Variants in TULP1 observed in about 807,000 individuals in gnomAD.
The protein encoded by TULP1 is tubby-related protein 1.
In TULP1, 50 loss-of-function variants were observed where a neutral mutation model predicts 67.1. The observed-to-expected ratio is 0.75, with a 90% CI of 0.59 to 0.94. The LOEUF (loss-of-function observed/expected upper bound fraction) is 0.94. Ranked by LOEUF, TULP1 falls within the 40% of genes least tolerant of loss-of-function variation. TULP1 has a pLI of 0.00. For synonymous variants in TULP1, 297 were observed against 294.0 expected (o/e 1.01, Z -0.11); for missense variants, 746 against 734.1 (o/e 1.02, Z -0.19).
chr6:35,507,259 A>G (rs1470371742), intron 8 of TULP1, among the ~76,000 whole-genome samples: 1 of 151,450 alleles, frequency 6.6e-6, no homozygotes, highest in African/African-American at 2.4e-5. Flanking sequence ...TCCCTGTAGG[A>G]AGGAACTGAG....
intron 5 of TULP1, 162 bp downstream of exon 5, chr6:35,510,699 A>G: frequency 1.3e-6 from 2 of 1,525,906 alleles, no homozygotes; most frequent in Non-Finnish European, 1.8e-6. Context: ...CTATGTCCTT[A>G]AGGACCATCG....
chr6:35,505,946 G>A (rs2150925341), intron 10 of TULP1, 57 bp downstream of exon 10: 2 of 1,614,090 alleles, frequency 1.2e-6, no homozygotes, highest in Admixed American at 3.3e-5. Flanking sequence ...CGTTTGTCCC[G>A]TGGCCCCCAT....
chr6:35,502,649 C>T (rs1760989324), intron 13 of TULP1, among the ~76,000 whole-genome samples: 1 of 151,590 alleles, frequency 6.6e-6, no homozygotes, highest in Admixed American at 6.6e-5. Context: ...CAGTTGCCCA[C>T]TGCCACGCCC....
At position 35,503,558 on chromosome 6, in the gene TULP1, C is replaced by G; in HGVS notation, c.1323+1G>C. ...AGGGGCCAGGGAGGTGCGGGGCTCA[C>G]ATTTCGGGGCCGGATGGGGACCCTC... On this transcript the variant is annotated splice_donor_variant, in intron 13 of 14. Coordinates refer to ENST00000229771, the MANE Select transcript of TULP1 (RefSeq NM_003322.6). LOFTEE classifies it high-confidence loss of function. The surrounding 1 kb of genome is among the most constrained non-coding windows in gnomAD (Gnocchi z 4.0). The G allele has an allele frequency of 6.4e-7, 1 of 1,565,972 alleles. No individual in the cohort carries two copies. The highest frequency in any genetic ancestry group is 8.7e-7 in the Non-Finnish European group (1 of 1,155,218).
At chr6:35,506,589 C>A (rs1404501579) in intron 8 of TULP1, among the ~76,000 whole-genome samples, 1 of 152,208 alleles carries the variant, frequency 6.6e-6, no homozygotes, top group African/African-American at 2.4e-5. Context: ...CAGACCTTAC[C>A]TATGTATTTA....
rs776991257 is a variant in TULP1 at position 35,498,426 on chromosome 6, C to A, written c.1530G>T (p.Ala510=). The change falls in exon 15 of 15, where the codon GCG becomes GCT. Residue 510 remains alanine (A), a synonymous_variant. Transcript: ENST00000229771. The surrounding 1 kb of genome is among the most constrained non-coding windows in gnomAD (Gnocchi z 6.7). ...DYIVLQFGRV[A]EDAFTLDYRY... is the part of the protein sequence containing the mutation. ...GGTAGTCTAGGGTGAAGGCGTCCTCCGCCACGCGGCCGAACTGCAGCACGA... is the reference window on the plus strand; with the variant it reads ...GGTAGTCTAGGGTGAAGGCGTCCTCAGCCACGCGGCCGAACTGCAGCACGA... 6.2e-7 allele frequency: 1 copy of A among 1,613,854 alleles called. No homozygotes were observed. The highest frequency in any genetic ancestry group is 1.3e-5 in the African/African-American group (1 of 74,934).
At chr6:35,501,273 G>T (rs79722771) in intron 13 of TULP1, among the ~76,000 whole-genome samples, 5,116 of 152,142 alleles carry the variant, frequency 0.034, 118 homozygotes, top group African/African-American at 0.064. Flanking sequence ...TTGAGAAGCC[G>T]AGACGAGAGG....
chr6:35,512,568 C>T, intron 2 of TULP1, 71 bp downstream of exon 2: 1 of 1,603,300 alleles, frequency 6.2e-7, no homozygotes, highest in South Asian at 1.1e-5. Context: ...CACCCCTAGA[C>T]CCCCTACCCT....
In TULP1 at chr6:35,503,841, G is replaced by A; in HGVS notation, c.1120C>T (p.Leu374Phe). 6.2e-7 allele frequency: 1 copy of A among 1,607,908 alleles called. No homozygotes were observed. The highest frequency in any genetic ancestry group is 1.7e-4 in the Middle Eastern group (1 of 6,058). Residue 374 changes from leucine (L) to phenylalanine (F), a missense_variant, in exon 12 of 15, where the codon CTC becomes TTC. Leu to Phe is a conservative substitution (Grantham distance 22). Coordinates refer to ENST00000229771, the MANE Select transcript of TULP1 (RefSeq NM_003322.6). This position sits in a 1 kb window ranked among gnomAD's most constrained non-coding sequence, Gnocchi z 4.0. The stretch of plus-strand genomic sequence containing the variant: ...AAGACCGTGAAGCGGTTCCCCAGGA[G>A]GTTGGACCTGCAAGCAGGGTAGAGC... ...ENFIGKLRSN[L>F]LGNRFTVFDN...
intron 11 of TULP1, 51 bp downstream of exon 11, chr6:35,505,690 A>G: frequency 1.2e-6 from 2 of 1,607,308 alleles, no homozygotes; most frequent in African/African-American, 1.3e-5. Flanking sequence ...ATGACGGGCT[A>G]TGGCCTTTTG....
rs148218948 is a variant in TULP1, at chr6:35,509,733, T to C, written c.619A>G (p.Lys207Glu). 1.6e-4 allele frequency: 265 copies of C among 1,613,950 alleles called. No homozygotes were observed. The highest frequency in any genetic ancestry group is 2.2e-4 in the Non-Finnish European group (256 of 1,180,018). The change falls in exon 7 of 15, where the codon AAG becomes GAG. Residue 207 changes from lysine (K) to glutamate (E), a missense_variant. Transcript: ENST00000229771. ...TKKKGSGEAD[K>E]DPSGSPASAR... ...CTGGCTGGGCTCCCTGAGGGGTCCT[T>C]GTCGGCCTCCCCAGACCCTGCATGT...
chr6:35,505,580 C>T (rs767059746), intron 11 of TULP1, 161 bp downstream of exon 11: 1 of 1,528,562 alleles, frequency 6.5e-7, no homozygotes, highest in Admixed American at 2.0e-5. Flanking sequence ...AACAAGCTCC[C>T]CACATGATCT....
At chr6:35,509,391 G>T in intron 7 of TULP1, 79 bp from the exon 8 acceptor site, 2 of 1,365,688 alleles carry the variant, frequency 1.5e-6, no homozygotes, top group Non-Finnish European at 2.1e-6. Flanking sequence ...TGTCTCACTT[G>T]GATGCTCCCC....
At chr6:35,509,561 G>C (rs1055181297) in intron 7 of TULP1, 73 bp downstream of exon 7, 1 of 1,469,592 alleles carries the variant, frequency 6.8e-7, no homozygotes, top group African/African-American at 1.4e-5. Flanking sequence ...CTTGTATGCT[G>C]TAAGGACCCT....
chr6:35,511,876 C>T, intron 3 of TULP1, 70 bp from the exon 4 acceptor site: 1 of 1,449,148 alleles, frequency 6.9e-7, no homozygotes, highest in Non-Finnish European at 9.1e-7. Context: ...CTACCCGCTA[C>T]CCCCAAGCCT....
intron 2 of TULP1, 106 bp from the exon 3 acceptor site, chr6:35,512,376 C>CG (rs1761228775): frequency 4.3e-6 from 3 of 696,502 alleles, no homozygotes; most frequent in South Asian, 2.0e-5. Flanking sequence ...GCAGATTATC[C>CG]GGGGGGAACT....
Position 35,512,217 on chromosome 6 carries a change from G to A in TULP1, c.153C>T (p.Ser51=), listed in dbSNP as rs779752064. 5.8e-6 allele frequency: 8 copies of A among 1,371,708 alleles called. No individual in the cohort carries two copies. The highest frequency in any genetic ancestry group is 9.4e-7 in the Non-Finnish European group (1 of 1,062,220). The allele number at this position is 1,371,708 out of a possible 1,614,324, so 85.0% of individuals were successfully genotyped here. The change falls in exon 3 of 15, where the codon TCC becomes TCT. Residue 51 remains serine (S), a synonymous_variant. Transcript: ENST00000229771. The part of the protein sequence containing the change: ...LRKKRTEAPE[S]PCPTGSKPRK... ...GGGGCTTGGATCCCGTGGGGCAGGGGGATTCGGGGGCCTCCGTCCTCTTCT... is the reference window on the plus strand; with the variant it reads ...GGGGCTTGGATCCCGTGGGGCAGGGAGATTCGGGGGCCTCCGTCCTCTTCT...
At chr6:35,501,657 C>T (rs1760966241) in intron 13 of TULP1, among the ~76,000 whole-genome samples, 1 of 151,664 alleles carries the variant, frequency 6.6e-6, no homozygotes, top group South Asian at 2.1e-4. Context: ...ACTGAAAATA[C>T]AAAAATTAGC....
intron 5 of TULP1, 78 bp downstream of exon 5, chr6:35,510,783 C>T: frequency 6.2e-7 from 1 of 1,607,076 alleles, no homozygotes; most frequent in Non-Finnish European, 8.5e-7. Flanking sequence ...ATCGCTGTGT[C>T]TCAGTGAGAC....
Sources: gnomAD v4.1 joint callset for allele counts (sites outside exome capture counted in the v4.1 genomes callset) on GRCh38, gnomAD v4.1.1 for gene constraint, Gnocchi (gnomAD v3.1) non-coding constraint, MANE v1.5 for transcripts, NCBI Gene and HGNC (gene_info 2026-07-23, HGNC 2026-07-21) for gene names.